EPHX3: variants seen among roughly 807,000 people sequenced by gnomAD.
EPHX3 encodes the protein abhydrolase domain containing 9.
EPHX3 carries 39 observed loss-of-function variants against 40.2 expected under a neutral mutation model. The ratio of observed to expected loss-of-function variants is 0.97; its 90% CI spans 0.75 to 1.27. The LOEUF (loss-of-function observed/expected upper bound fraction) is 1.27. EPHX3 is among the 50% of genes most tolerant of loss of function. The pLI is 0.00. For missense variants in EPHX3, 442 were observed against 474.0 expected (o/e 0.93, Z 0.63); for synonymous variants, 213 against 209.7 (o/e 1.02, Z -0.14).
chr19:15,227,446 C>G lies in EPHX3; in HGVS notation c.1074G>C (p.Leu358=). 2 of 1,613,830 alleles carry G rather than the reference C, an allele frequency of 1.2e-6. No homozygotes were observed. The highest frequency in any genetic ancestry group is 1.7e-6 in the Non-Finnish European group (2 of 1,179,776). The change falls in exon 7 of 7, where the codon CTG becomes CTC. Residue 358 remains leucine (L), a synonymous_variant. Coordinates refer to ENST00000221730, the MANE Select transcript of EPHX3 (RefSeq NM_024794.3). ...AGGCCAGCAAGGACCACTAGTCCAG[C>G]AGGTCTTGCAAGAAGGCCCACATGT... ...HQYMWAFLQD[L]LD
At chr19:15,229,620 C>A (rs559760900) in intron 4 of EPHX3, among the ~76,000 whole-genome samples, 5 of 146,456 alleles carry the variant, frequency 3.4e-5, no homozygotes, top group Admixed American at 6.8e-5. Context: ...AGGGGCCAGG[C>A]GTGGTGGCTC....
At chr19:15,233,634 G>C (rs2047170447), upstream of EPHX3, among the ~76,000 whole-genome samples, 2 of 152,356 alleles carry the variant, frequency 1.3e-5, no homozygotes, top group South Asian at 4.1e-4. Context: ...CTAGGGGGCA[G>C]GCCTGGTTCC....
At chr19:15,236,815 G>A (rs563114548), upstream of EPHX3, 2 of 180,748 alleles carry the variant, frequency 1.1e-5, no homozygotes, top group East Asian at 1.8e-4. Flanking sequence ...GGTTCACAAA[G>A]AAATGTCAGG....
chr19:15,234,635 G>C (rs1020878778), upstream of EPHX3, among the ~76,000 whole-genome samples: 3 of 152,080 alleles, frequency 2.0e-5, no homozygotes, highest in African/African-American at 7.2e-5. Context: ...TATGACATCA[G>C]CCACTGACTT....
rs191877138 is a variant in EPHX3 at position 15,231,729 on chromosome 19, C to T, written c.329+47G>A. ...CTGCCTCTTGGGAGCCCAAGCTCCACCTGCCCCCGAGTCCCGTGGGCCTCA... is the reference window on the plus strand; with the variant it reads ...CTGCCTCTTGGGAGCCCAAGCTCCATCTGCCCCCGAGTCCCGTGGGCCTCA... On this transcript the variant is annotated intron_variant, in intron 2 of 6. Coordinates refer to ENST00000221730, the MANE Select transcript of EPHX3 (RefSeq NM_024794.3). 107 of 1,596,724 alleles carry T rather than the reference C, an allele frequency of 6.7e-5. No homozygotes were observed. The African/African-American group carries it at 1.3e-3, about 20-fold the overall frequency.
At chr19:15,228,541 CAG>C (rs1370620535) in intron 4 of EPHX3, among the ~76,000 whole-genome samples, 18 of 100,822 alleles carry the variant, frequency 1.8e-4, no homozygotes, top group African/African-American at 5.7e-4. Context: ...TTTTTTGAGA[CAG>C]AGTCTCGCTC....
Position 15,231,956 on chromosome 19 carries a change from C to A in EPHX3, c.243+13G>T. On this transcript the variant is annotated intron_variant, in intron 1 of 6. Transcript: ENST00000221730. ...GCGACCCCGCAGCCCCGATAGCGCC[C>A]CCGTGCGATCACCTTGAGGTTCAGG... 1 of 1,612,386 alleles carries A rather than the reference C, an allele frequency of 6.2e-7. No individual in the cohort carries two copies. Among genetic ancestry groups the A allele is most frequent in the South Asian group, 1.1e-5 (1 of 91,048 alleles).
intron 1 of EPHX3, 23 bp downstream of exon 1, chr19:15,231,946 C>G: frequency 6.2e-7 from 1 of 1,612,558 alleles, no homozygotes; most frequent in Non-Finnish European, 8.5e-7. Context: ...CCCGCAGCCC[C>G]GATAGCGCCC....
Position 15,231,223 on chromosome 19 carries a change from G to C in EPHX3, c.487+16C>G. The C allele has an allele frequency of 6.2e-7, 1 of 1,613,766 alleles. No individual in the cohort carries two copies. The highest frequency in any genetic ancestry group is 8.5e-7 in the Non-Finnish European group (1 of 1,179,898). ...GGATGAGGGAGGCCACGCCTAGGAT[G>C]GGGGTATGTCTGCACCCAGGCCTAG... On this transcript the variant is annotated intron_variant, in intron 3 of 6. Transcript: ENST00000221730.
chr19:15,228,970 C>A (rs1356395096), intron 4 of EPHX3, among the ~76,000 whole-genome samples: 2 of 151,074 alleles, frequency 1.3e-5, no homozygotes, highest in East Asian at 3.9e-4. Flanking sequence ...CAGCCTGGAC[C>A]ACAGAACAAG....
chr19:15,231,075 A>T lies in EPHX3; in HGVS notation c.503T>A (p.Ile168Asn), dbSNP rs1222058627. 7 of 1,613,928 alleles carry T rather than the reference A, an allele frequency of 4.3e-6. No homozygotes were observed. The Admixed American group carries it at 1.2e-4, about 27-fold the overall frequency. The change falls in exon 4 of 7, where the codon ATC becomes AAC. Residue 168 changes from isoleucine (I) to asparagine (N), a missense_variant. Ile to Asn is a moderately radical substitution (Grantham distance 149). Coordinates refer to ENST00000221730, the MANE Select transcript of EPHX3 (RefSeq NM_024794.3). ...GGCACCCCAGTCATGGGCCACAAGGATGCACTTCGAGTAACCTGTGGGAAT... is the reference window on the plus strand; with the variant it reads ...GGCACCCCAGTCATGGGCCACAAGGTTGCACTTCGAGTAACCTGTGGGAAT... ...VILGLGYSKC[I>N]LVAHDWGALL...
chr19:15,231,387 C>A lies in EPHX3; in HGVS notation c.339G>T (p.Trp113Cys). The A allele has an allele frequency of 6.2e-7, 1 of 1,613,590 alleles. No homozygotes were observed. Among genetic ancestry groups the A allele is most frequent in the South Asian group, 1.1e-5 (1 of 91,068 alleles). The change falls in exon 3 of 7, where the codon TGG (tryptophan) becomes TGT (cysteine). Residue 113 changes from tryptophan (W) to cysteine (C), a missense_variant. Coordinates refer to ENST00000221730, the MANE Select transcript of EPHX3 (RefSeq NM_024794.3). ...LHGFPENWFS[W>C]RYQLREFQSR... is the part of the protein sequence containing the mutation. ...TCTGGAACTCCCGGAGCTGGTAACG[C>A]CAGGAGAACCTGCCAGGCGGGCGAG...
intron 6 of EPHX3, 31 bp from the exon 7 acceptor site, chr19:15,227,693 G>A (rs1329117568): frequency 6.2e-7 from 1 of 1,611,822 alleles, no homozygotes; most frequent in South Asian, 1.1e-5. Context: ...CAGGCAGACA[G>A]ACAGGCAGAA....
chr19:15,229,038 A>G (rs1182534379), intron 4 of EPHX3, among the ~76,000 whole-genome samples: 2 of 151,544 alleles, frequency 1.3e-5, no homozygotes, highest in Non-Finnish European at 2.9e-5. Flanking sequence ...AAGACAAAAA[A>G]CTCCCTGCCC....
chr19:15,235,037 T>C (rs2047181339), upstream of EPHX3, among the ~76,000 whole-genome samples: 1 of 152,168 alleles, frequency 6.6e-6, no homozygotes, highest in African/African-American at 2.4e-5. Flanking sequence ...AGTCTCACCA[T>C]ATCACCCAAG....
Position 15,226,963 on chromosome 19 carries a change from A to G in EPHX3, c.*474T>C, listed in dbSNP as rs1019642019. The G allele has an allele frequency of 1.2e-5, 2 of 165,278 alleles. No individual in the cohort carries two copies. Among genetic ancestry groups the G allele is most frequent in the Admixed American group, 5.8e-5 (1 of 17,354 alleles). 10.2% of individuals were successfully genotyped at this position (165,278 alleles called of 1,614,324 possible). On this transcript the variant is annotated 3_prime_UTR_variant, in exon 7 of 7. Transcript: ENST00000221730. ...TTCATTGTATTTCATTTCAATTAACATACATTTAAGCTGAAGTAGCCAAAT... is the reference window on the plus strand; with the variant it reads ...TTCATTGTATTTCATTTCAATTAACGTACATTTAAGCTGAAGTAGCCAAAT...
At chr19:15,228,416 C>T (rs1408481312) in intron 4 of EPHX3, among the ~76,000 whole-genome samples, 1 of 151,906 alleles carries the variant, frequency 6.6e-6, no homozygotes, top group African/African-American at 2.4e-5. Context: ...TACTGCATGC[C>T]AGGCCTTGTT....
At chr19:15,236,779 C>T (rs2145492910), upstream of EPHX3, 1 of 177,386 alleles carries the variant, frequency 5.6e-6, no homozygotes, top group South Asian at 2.0e-4. Flanking sequence ...CCAGGGGGTC[C>T]CCTGGGCCTA....
rs2047152072 is a variant in EPHX3, at chr19:15,231,291, G to A, written c.435C>T (p.Cys145=). 1.2e-6 allele frequency: 2 copies of A among 1,613,896 alleles called. No homozygotes were observed. The highest frequency in any genetic ancestry group is 3.3e-5 in the Admixed American group (2 of 59,994). ...GPSDAPRDVD[C]YTIDLLLVDI... is the part of the protein sequence containing the mutation. ...CCACCAGCAGCAGGTCGATTGTGTA[G>A]CAGTCCACATCCCGAGGTGCATCCG... The change falls in exon 3 of 7, where the codon TGC becomes TGT. Residue 145 remains cysteine (C), a synonymous_variant. Coordinates refer to ENST00000221730, the MANE Select transcript of EPHX3 (RefSeq NM_024794.3).
Sources: allele counts gnomAD v4.1 joint callset (sites outside exome capture counted in the v4.1 genomes callset), GRCh38; gene constraint gnomAD v4.1.1; transcripts MANE v1.5; gene names NCBI Gene and HGNC (gene_info 2026-07-23, HGNC 2026-07-21).